Variants in ELOVL6 observed in about 807,000 individuals in gnomAD.
ELOVL6 encodes the protein ELOVL fatty acid elongase 6, also known as very long chain fatty acid elongase 6.
Under a neutral mutation model 31.7 loss-of-function variants are expected in ELOVL6, and 8 were observed. The ratio of observed to expected loss-of-function variants is 0.25; its 90% CI spans 0.15 to 0.45. The LOEUF is 0.45. ELOVL6 is among the 20% of genes least tolerant of loss of function. ELOVL6 has a pLI of 1.00. For synonymous variants in ELOVL6, 101 were observed against 117.7 expected (o/e 0.86, Z 0.92); for missense variants, 126 against 326.4 (o/e 0.39, Z 4.73).
intron 1 of ELOVL6, among the ~76,000 whole-genome samples, chr4:110,194,699 C>G (rs973219905): frequency 6.6e-6 from 1 of 152,154 alleles, no homozygotes; most frequent in African/African-American, 2.4e-5. Context: ...GGTATGTTAA[C>G]ATTAATTTGC....
At chr4:110,127,083 T>C (rs947964241) in intron 1 of ELOVL6, among the ~76,000 whole-genome samples, 3 of 151,936 alleles carry the variant, frequency 2.0e-5, no homozygotes, top group African/African-American at 7.3e-5. Flanking sequence ...ACACAGGATA[T>C]ATGTACCGTT....
intron 2 of ELOVL6, among the ~76,000 whole-genome samples, chr4:110,082,004 C>G (rs1401257208): frequency 6.6e-6 from 1 of 150,550 alleles, no homozygotes; most frequent in Non-Finnish European, 1.5e-5. Flanking sequence ...TGCTCATCAT[C>G]ACTGGCCATC....
At chr4:110,190,733 G>A (rs1331898747) in intron 1 of ELOVL6, among the ~76,000 whole-genome samples, 1 of 151,936 alleles carries the variant, frequency 6.6e-6, no homozygotes, top group African/African-American at 2.4e-5. Context: ...TCGAACTCCT[G>A]ACCTCAAGTG....
At chr4:110,145,698 A>T (rs200408130) in intron 1 of ELOVL6, among the ~76,000 whole-genome samples, 77 of 5,120 alleles carry the variant, frequency 0.015, no homozygotes, top group South Asian at 0.07. Flanking sequence ...GAGACTGTCT[A>T]AAAAAAAAAA....
chr4:110,157,597 G>T (rs574397649), intron 1 of ELOVL6, among the ~76,000 whole-genome samples: 31 of 152,208 alleles, frequency 2.0e-4, no homozygotes, highest in African/African-American at 7.2e-4. Flanking sequence ...CTTGAACCTG[G>T]GAGGCGGAGG....
rs75749668 is a variant in ELOVL6 at position 110,144,996 on chromosome 4, T to A, written c.90-39368A>T. ...TTAAGCTCACAGAAGCATGTTAACA[T>A]CCTCATCAGAGTCTGATAAGGCTGG... On this transcript the variant is annotated intron_variant, in intron 1 of 3. Transcript: ENST00000302274. Among the ~76,000 whole-genome samples, 59 of 152,050 alleles carry A rather than the reference T, an allele frequency of 3.9e-4. 1 individual carries two copies. Among genetic ancestry groups the A allele is most frequent in the African/African-American group, 1.4e-3 (57 of 41,486 alleles).
intron 1 of ELOVL6, among the ~76,000 whole-genome samples, chr4:110,181,110 C>T (rs1187447491): frequency 6.6e-6 from 1 of 150,792 alleles, no homozygotes; most frequent in African/African-American, 2.4e-5. Flanking sequence ...TATCCTCCAG[C>T]GTGGGAGACA....
At chr4:110,146,353 T>C (rs944061764) in intron 1 of ELOVL6, 2 of 152,178 alleles carry the variant, frequency 1.3e-5, no homozygotes, top group African/African-American at 4.8e-5. Flanking sequence ...ATTTAAGAGC[T>C]GAAGTAAAAC....
intron 2 of ELOVL6, among the ~76,000 whole-genome samples, chr4:110,076,618 GT>G (rs919441090): frequency 2.0e-5 from 3 of 152,166 alleles, no homozygotes; most frequent in African/African-American, 7.2e-5. Context: ...AGCCAAGAAG[GT>G]CAAATAAGAA....
In ELOVL6 at chr4:110,050,666, C is replaced by A. The variant is rs533471475; in HGVS notation, c.*672G>T. ...AAGAATCTTGGGGAAGTATTCACCC[C>A]CTTTGGTTTTGGCAAACTCACTAGC... On this transcript the variant is annotated 3_prime_UTR_variant, in exon 4 of 4. Transcript: ENST00000302274. The A allele has an allele frequency of 1.3e-5, 2 of 152,804 alleles. No individual in the cohort carries two copies. Among genetic ancestry groups the A allele is most frequent in the South Asian group, 2.1e-4 (1 of 4,828 alleles). 9.5% of individuals were successfully genotyped at this position (152,804 alleles called of 1,614,324 possible). A position where few individuals can be genotyped will look rare whatever the true frequency, so the allele number is the denominator to read the frequency against.
intron 1 of ELOVL6, among the ~76,000 whole-genome samples, chr4:110,186,821 AAATAT>A (rs1397827177): frequency 1.7e-4 from 13 of 77,836 alleles, no homozygotes; most frequent in East Asian, 1.5e-3. Flanking sequence ...AAAAAAAAAA[AAATAT>A]ATATATATAT....
At chr4:110,195,059 CCT>C (rs1377709741) in intron 1 of ELOVL6, among the ~76,000 whole-genome samples, 1 of 152,188 alleles carries the variant, frequency 6.6e-6, no homozygotes, top group Non-Finnish European at 1.5e-5. Context: ...TCCTCAAGTT[CCT>C]CTCTCCTCAA....
intron 1 of ELOVL6, 55 bp from the exon 2 acceptor site, chr4:110,105,683 A>G: frequency 6.5e-7 from 1 of 1,533,686 alleles, no homozygotes; most frequent in Non-Finnish European, 8.9e-7. Context: ...GGAAACACCA[A>G]ATTTTGTACC....
rs1007060254 is a variant in ELOVL6, at chr4:110,048,961, CA to C, written c.*2376del. 105 of 152,272 alleles carry C rather than the reference CA, an allele frequency of 6.9e-4. No homozygotes were observed. The highest frequency in any genetic ancestry group is 2.5e-3 in the African/African-American group (102 of 41,552). 9.4% of individuals were successfully genotyped at this position (152,272 alleles called of 1,614,324 possible). ...CTGCATTAAGAGATCTGCAATAAAT[CA>C]CTCAATTAAATAATTAAATCAACCA... On this transcript the variant is annotated 3_prime_UTR_variant, in exon 4 of 4. Coordinates refer to ENST00000302274, the MANE Select transcript of ELOVL6 (RefSeq NM_024090.3).
intron 1 of ELOVL6, among the ~76,000 whole-genome samples, chr4:110,188,698 A>C (rs1759517768): frequency 6.6e-6 from 1 of 151,154 alleles, no homozygotes; most frequent in Non-Finnish European, 1.5e-5. Flanking sequence ...GACCAGCCTG[A>C]CCAACATGGA....
chr4:110,136,610 C>T (rs548023894), intron 1 of ELOVL6, among the ~76,000 whole-genome samples: 3 of 152,176 alleles, frequency 2.0e-5, no homozygotes, highest in Non-Finnish European at 4.4e-5. Flanking sequence ...GATCTGCCAG[C>T]TGCCCCTGAT....
chr4:110,100,490 G>GTTT (rs140873672), intron 2 of ELOVL6, among the ~76,000 whole-genome samples: 1 of 151,030 alleles, frequency 6.6e-6, no homozygotes, highest in Non-Finnish European at 1.5e-5. Context: ...TCTTTTGTTT[G>GTTT]TTTTTTTTTA....
At chr4:110,078,933 T>G (rs575386740) in intron 2 of ELOVL6, among the ~76,000 whole-genome samples, 1 of 152,256 alleles carries the variant, frequency 6.6e-6, no homozygotes, top group African/African-American at 2.4e-5. Flanking sequence ...AGGCAGAGGT[T>G]GCAATCCTAG....
chr4:110,073,989 TAGG>T (rs1755561347), intron 2 of ELOVL6, among the ~76,000 whole-genome samples: 1 of 152,196 alleles, frequency 6.6e-6, no homozygotes, highest in South Asian at 2.1e-4. Context: ...AATTAGATAT[TAGG>T]AGAAGACAAA....
Sources: allele counts gnomAD v4.1 joint callset (sites outside exome capture counted in the v4.1 genomes callset), GRCh38; gene constraint gnomAD v4.1.1; transcripts MANE v1.5; gene names NCBI Gene and HGNC (gene_info 2026-07-23, HGNC 2026-07-21).